The following SPAG9 variants were observed in gnomAD, a reference collection of about 807,000 sequenced individuals.
The protein encoded by SPAG9 is sperm associated antigen 9, also known as C-Jun-amino-terminal kinase-interacting protein 4.
A neutral mutation model predicts 166.5 loss-of-function variants in SPAG9; 35 were observed. The observed-to-expected ratio is 0.21, with a 90% CI of 0.16 to 0.28. The LOEUF is 0.28. Among genes scored for constraint, SPAG9 ranks in the 10% least tolerant of loss-of-function variants. The pLI is 1.00. For synonymous variants in SPAG9, 534 were observed against 565.5 expected, an observed-to-expected ratio of 0.94 and a Z score of 0.79; for missense variants, 1,235 against 1,603.3, an observed-to-expected ratio of 0.77 and a Z score of 3.92.
intron 2 of SPAG9, among the ~76,000 whole-genome samples, chr17:51,073,858 T>C (rs896180288): frequency 7.9e-5 from 12 of 152,076 alleles, no homozygotes; most frequent in Middle Eastern, 6.8e-3. Flanking sequence ...ATCCCAACAC[T>C]TTGGGAGGCC....
chr17:51,059,043 T>G (rs141934573), intron 2 of SPAG9, among the ~76,000 whole-genome samples: 1 of 152,188 alleles, frequency 6.6e-6, no homozygotes, highest in Non-Finnish European at 1.5e-5. Flanking sequence ...ATTCATGTAC[T>G]GGAATACTGT....
At chr17:51,009,481 G>T (rs527740808) in intron 9 of SPAG9, among the ~76,000 whole-genome samples, 4 of 152,224 alleles carry the variant, frequency 2.6e-5, no homozygotes, top group African/African-American at 9.6e-5. Flanking sequence ...AAAATTCACC[G>T]TATGATCCAT....
chr17:51,070,807 G>A (rs1274769137), intron 2 of SPAG9, among the ~76,000 whole-genome samples: 2 of 151,934 alleles, frequency 1.3e-5, no homozygotes, highest in African/African-American at 4.8e-5. Flanking sequence ...AAAACACAGT[G>A]GCCATTAAAT....
intron 2 of SPAG9, among the ~76,000 whole-genome samples, chr17:51,064,744 G>A (rs1030120013): frequency 4.6e-5 from 7 of 152,164 alleles, no homozygotes; most frequent in African/African-American, 1.7e-4. Context: ...TCTTCTTGGG[G>A]TGATAAAAAT....
intron 1 of SPAG9, among the ~76,000 whole-genome samples, chr17:51,088,108 T>C (rs1050598457): frequency 3.9e-5 from 6 of 152,168 alleles, no homozygotes; most frequent in African/African-American, 1.4e-4. Context: ...TCTACTTCTA[T>C]AATTTCCACT....
At chr17:51,027,400 G>A (rs1431640870) in intron 6 of SPAG9, among the ~76,000 whole-genome samples, 3 of 150,388 alleles carry the variant, frequency 2.0e-5, no homozygotes, top group Admixed American at 6.6e-5. Flanking sequence ...ATACCACTGC[G>A]CTCCAGCCTG....
At chr17:51,100,104 A>C (rs941727036) in intron 1 of SPAG9, among the ~76,000 whole-genome samples, 1 of 152,100 alleles carries the variant, frequency 6.6e-6, no homozygotes, top group African/African-American at 2.4e-5. Flanking sequence ...TGTCTCCAAA[A>C]AAATAAAAAT....
In SPAG9 at chr17:50,995,673, T is replaced by C. The variant is rs1417320735; in HGVS notation, c.1969-140A>G. The C allele has an allele frequency of 2.2e-5, 14 of 635,892 alleles. No individual in the cohort carries two copies. The South Asian group carries it at 2.3e-4, about 11-fold the overall frequency. The allele number at this position is 635,892 out of a possible 1,614,324, so 39.4% of individuals were successfully genotyped here. ...ATCAAGTTCAGGTTTTTTGTTTTTT[T>C]GTTTTTTTGAGACAGGGTCGCTCTA... On this transcript the variant is annotated intron_variant, in intron 16 of 29. Transcript: ENST00000262013.
chr17:51,055,368 C>T (rs1016496199), intron 3 of SPAG9, among the ~76,000 whole-genome samples: 3 of 152,034 alleles, frequency 2.0e-5, no homozygotes, highest in Admixed American at 6.6e-5. Context: ...CACACACACA[C>T]ACAAGCAACA....
chr17:51,005,910 G>A (rs935212907), intron 11 of SPAG9, among the ~76,000 whole-genome samples, 175 bp downstream of exon 11: 2 of 152,238 alleles, frequency 1.3e-5, no homozygotes, highest in African/African-American at 4.8e-5. Context: ...GCTAACAACT[G>A]GAGGGGCCTG....
At chr17:51,010,737 G>C (rs989017993) in intron 9 of SPAG9, among the ~76,000 whole-genome samples, 7 of 151,982 alleles carry the variant, frequency 4.6e-5, no homozygotes, top group African/African-American at 1.7e-4. Context: ...TCCAAGAGCA[G>C]CCTTGGGGGA....
intron 27 of SPAG9, chr17:50,975,887 G>C: frequency 1.3e-6 from 2 of 1,535,660 alleles, no homozygotes; most frequent in Non-Finnish European, 1.7e-6. Context: ...AAACGTCCCT[G>C]GTGGAGGATT....
chr17:51,077,061 T>TCTAGCTAGCTAGCTATCTAG (rs1207956785), intron 2 of SPAG9, among the ~76,000 whole-genome samples: 22 of 109,702 alleles, frequency 2.0e-4, no homozygotes, highest in South Asian at 5.6e-4. Context: ...TAGCTAGCTA[T>TCTAGCTAGCTAGCTATCTAG]CTAGCTAGCT....
At chr17:51,118,462 T>C (rs535107436) in intron 1 of SPAG9, among the ~76,000 whole-genome samples, 29 of 152,210 alleles carry the variant, frequency 1.9e-4, no homozygotes, top group Non-Finnish European at 3.5e-4. Flanking sequence ...ATTTTGCCCA[T>C]ATTTACACGG....
chr17:51,083,894 T>C (rs1021331881), intron 1 of SPAG9, among the ~76,000 whole-genome samples: 1 of 152,092 alleles, frequency 6.6e-6, no homozygotes, highest in Non-Finnish European at 1.5e-5. Context: ...TTAGAGACAC[T>C]GTAGTTCCTT....
At chr17:51,119,348 G>A (rs535239263) in intron 1 of SPAG9, among the ~76,000 whole-genome samples, 85 of 152,252 alleles carry the variant, frequency 5.6e-4, no homozygotes, top group African/African-American at 1.9e-3. Context: ...TATTTAAGCA[G>A]GTGTGCTAGG....
At chr17:51,076,633 G>A (rs2047976970) in intron 2 of SPAG9, among the ~76,000 whole-genome samples, 2 of 152,160 alleles carry the variant, frequency 1.3e-5, no homozygotes, top group Admixed American at 1.3e-4. Flanking sequence ...CTACTTGGGA[G>A]GCTGAGGCAG....
chr17:51,035,806 G>A (rs971415628), intron 5 of SPAG9, among the ~76,000 whole-genome samples: 1 of 152,064 alleles, frequency 6.6e-6, no homozygotes, highest in African/African-American at 2.4e-5. Context: ...AGATCTAAAG[G>A]TCACATTCTA....
At chr17:50,975,968 G>T in intron 27 of SPAG9, 1 of 1,215,426 alleles carries the variant, frequency 8.2e-7, no homozygotes, top group African/African-American at 1.5e-5. Context: ...ATTACTGTGA[G>T]CCACCACTCT....
Sources: gnomAD v4.1 joint callset for allele counts (sites outside exome capture counted in the v4.1 genomes callset) on GRCh38, gnomAD v4.1.1 for gene constraint, MANE v1.5 for transcripts, NCBI Gene and HGNC (gene_info 2026-07-23, HGNC 2026-07-21) for gene names.